Variants in COQ8A observed in about 807,000 individuals in gnomAD.
COQ8A encodes coenzyme Q8A, also known as atypical kinase COQ8A, mitochondrial.
Under a neutral mutation model 65.0 loss-of-function variants are expected in COQ8A, and 51 were observed. The ratio of observed to expected loss-of-function variants is 0.78; its 90% CI spans 0.63 to 0.99. The LOEUF is 0.99. COQ8A is among the 50% of genes least tolerant of loss of function. The probability of loss-of-function intolerance (pLI) is 0.00; values close to 1 mark genes in which losing one functional copy is unlikely to be tolerated. For synonymous variants in COQ8A, 371 were observed against 353.2 expected (o/e 1.05, Z -0.57); for missense variants, 940 against 875.0 (o/e 1.07, Z -0.94).
intron 1 of COQ8A, among the ~76,000 whole-genome samples, chr1:226,959,723 C>T (rs536472769): frequency 5.9e-5 from 9 of 152,342 alleles, no homozygotes; most frequent in South Asian, 4.1e-4. Context: ...CTCCTTCCAG[C>T]GGAGTGGGTG....
At chr1:226,981,990 C>T (rs375196724) in intron 5 of COQ8A, 37 bp from the exon 6 acceptor site, 2 of 1,612,714 alleles carry the variant, frequency 1.2e-6, no homozygotes, top group Non-Finnish European at 1.7e-6. Context: ...CCCAGACCCC[C>T]CCGAGTGCCG....
intron 14 of COQ8A, 77 bp from the exon 15 acceptor site, chr1:226,986,376 G>A (rs537068200): frequency 1.3e-5 from 20 of 1,523,974 alleles, no homozygotes; most frequent in Admixed American, 6.9e-5. Flanking sequence ...TCAGCGCCCC[G>A]GGCACTGTGG....
intron 1 of COQ8A, among the ~76,000 whole-genome samples, chr1:226,944,371 C>A (rs1386505575): frequency 6.6e-6 from 1 of 151,892 alleles, no homozygotes; most frequent in Non-Finnish European, 1.5e-5. Context: ...ATGTTTGGTA[C>A]AGGAGAGCAG....
intron 1 of COQ8A, among the ~76,000 whole-genome samples, chr1:226,947,384 T>C (rs577656538): frequency 1.3e-5 from 2 of 152,332 alleles, no homozygotes; most frequent in African/African-American, 4.8e-5. Context: ...ACCAGGTCTT[T>C]GTAAGAACTA....
chr1:226,971,721 A>T (rs1256056631), intron 4 of COQ8A, among the ~76,000 whole-genome samples: 1 of 152,086 alleles, frequency 6.6e-6, no homozygotes, highest in East Asian at 1.9e-4. Flanking sequence ...GCTATCAGTT[A>T]TATTGCTGCT....
chr1:226,959,527 A>C (rs1658018070), intron 1 of COQ8A, among the ~76,000 whole-genome samples: 1 of 152,170 alleles, frequency 6.6e-6, no homozygotes, highest in African/African-American at 2.4e-5. Flanking sequence ...GATATTTGTC[A>C]AAGGGGGGTG....
intron 1 of COQ8A, among the ~76,000 whole-genome samples, chr1:226,958,472 T>A (rs1206667497): frequency 6.6e-6 from 1 of 152,144 alleles, no homozygotes; most frequent in African/African-American, 2.4e-5. Context: ...TCAGCATCAG[T>A]TGGCCCCTAG....
rs556993885 is a variant in COQ8A at position 226,947,315 on chromosome 1, G to A, written c.-10+6916G>A. On this transcript the variant is annotated intron_variant, in intron 1 of 14. Coordinates refer to ENST00000366777, the MANE Select transcript of COQ8A (RefSeq NM_020247.5). The stretch of plus-strand genomic sequence containing the variant: ...AGCATCCCACAGCTTTGGCCCTTAG[G>A]AGATTGCTCAGCCTTGATGAGCTTT... 4.6e-5 allele frequency among the ~76,000 whole-genome samples: 7 copies of A among 152,298 alleles called. No homozygotes were observed. The East Asian group carries it at 1.4e-3, about 29-fold the overall frequency.
At position 226,985,304 on chromosome 1, in the gene COQ8A, C is replaced by A. The variant is rs1216380130; in HGVS notation, c.1623C>A (p.Ser541=). ...ACAGGGAGACTGTGCGGGCGAAATC[C>A]ATAGAGATGAAGTTCCTCACCGGCT... ...DRDRETVRAK[S]IEMKFLTGYE... The change falls in exon 14 of 15, where the codon TCC becomes TCA. Residue 541 remains serine (S), a synonymous_variant. Transcript: ENST00000366777. The A allele has an allele frequency of 6.2e-7, 1 of 1,613,812 alleles. No individual in the cohort carries two copies. Among genetic ancestry groups the A allele is most frequent in the Non-Finnish European group, 8.5e-7 (1 of 1,180,024 alleles).
chr1:226,982,063 C>T lies in COQ8A; in HGVS notation c.767C>T (p.Ser256Phe). ...GTGCTGGGTTCCAGTCCTTTCCTGTCCGAGGCCAATGCAGAGCGGATCGTG... is the reference window on the plus strand; with the variant it reads ...GTGCTGGGTTCCAGTCCTTTCCTGTTCGAGGCCAATGCAGAGCGGATCGTG... Reference protein sequence around the residue: ...KAVLGSSPFLSEANAERIVRT... With the variant: ...KAVLGSSPFLFEANAERIVRT... Residue 256 changes from serine to phenylalanine, a missense_variant, in exon 6 of 15, where the codon TCC becomes TTC. Coordinates refer to ENST00000366777, the MANE Select transcript of COQ8A (RefSeq NM_020247.5). 6.2e-7 allele frequency: 1 copy of T among 1,612,916 alleles called. No individual in the cohort carries two copies. The highest frequency in any genetic ancestry group is 1.1e-5 in the South Asian group (1 of 91,084).
At position 226,983,560 on chromosome 1, in the gene COQ8A, C is replaced by A. The variant is rs139570869; in HGVS notation, c.1089C>A (p.Gly363=). Residue 363 remains glycine, a synonymous_variant, in exon 9 of 15, where the codon GGC becomes GGA. Transcript: ENST00000366777. ...CACCCATACCCCCACAGTACCCTGG[C>A]GTGGCCCAGAGCATCAACAGTGATG... ...REVAMKIQYP[G]VAQSINSDVN... is the part of the protein sequence containing the mutation. 5.6e-6 allele frequency: 9 copies of A among 1,613,826 alleles called. No homozygotes were observed. The East Asian group carries it at 2.0e-4, about 36-fold the overall frequency.
At chr1:226,955,565 A>ATT (rs1558183418) in intron 1 of COQ8A, among the ~76,000 whole-genome samples, 1 of 14,530 alleles carries the variant, frequency 6.9e-5, no homozygotes, top group South Asian at 2.9e-3. Context: ...CCTGGCTCCC[A>ATT]CTCCCTGGGT....
chr1:226,986,393 C>G, intron 14 of COQ8A, 60 bp from the exon 15 acceptor site: 1 of 1,588,510 alleles, frequency 6.3e-7, no homozygotes, highest in Non-Finnish European at 8.6e-7. Context: ...GTGGGAGGAA[C>G]CCGGGCTGGT....
At chr1:226,967,937 G>A (rs1011284480) in intron 4 of COQ8A, among the ~76,000 whole-genome samples, 4 of 152,236 alleles carry the variant, frequency 2.6e-5, no homozygotes, top group South Asian at 4.1e-4. Flanking sequence ...GAAAGAACGT[G>A]CCGTTCTGGC....
At chr1:226,955,359 A>G (rs1558183194) in intron 1 of COQ8A, among the ~76,000 whole-genome samples, 3 of 141,792 alleles carry the variant, frequency 2.1e-5, no homozygotes. Flanking sequence ...TTCCTGGTTC[A>G]CTCTCCCTGG....
intron 1 of COQ8A, among the ~76,000 whole-genome samples, chr1:226,957,351 G>A (rs1471606501): frequency 7.4e-6 from 1 of 134,414 alleles, no homozygotes; most frequent in African/African-American, 2.8e-5. Flanking sequence ...CTTGCTTCTA[G>A]CTTCTTATAC....
At chr1:226,963,441 C>T (rs963020417) in intron 2 of COQ8A, among the ~76,000 whole-genome samples, 13 of 152,150 alleles carry the variant, frequency 8.5e-5, no homozygotes, top group East Asian at 1.9e-4. Flanking sequence ...TGGGGACCCC[C>T]CCACTGGCCT....
chr1:226,985,101 A>G (rs1327872522), intron 13 of COQ8A, among the ~76,000 whole-genome samples, 153 bp from the exon 14 acceptor site: 2 of 151,926 alleles, frequency 1.3e-5, no homozygotes, highest in African/African-American at 4.8e-5. Flanking sequence ...TTAGGCTGAC[A>G]GCTGCCAGGC....
intron 1 of COQ8A, among the ~76,000 whole-genome samples, chr1:226,953,303 C>G (rs1657502474): frequency 2.0e-5 from 3 of 152,226 alleles, no homozygotes; most frequent in Non-Finnish European, 4.4e-5. Flanking sequence ...GCTGGGATTA[C>G]AGGCATGAGC....
Sources: gnomAD v4.1 joint callset for allele counts (sites outside exome capture counted in the v4.1 genomes callset) on GRCh38, gnomAD v4.1.1 for gene constraint, MANE v1.5 for transcripts, NCBI Gene and HGNC (gene_info 2026-07-23, HGNC 2026-07-21) for gene names.